The following RABGAP1 variants were observed in gnomAD, a reference collection of about 807,000 sequenced individuals.
RABGAP1 encodes the protein RAB GTPase activating protein 1.
In RABGAP1, 23 loss-of-function variants were observed where a neutral mutation model predicts 137.6. That is an observed-to-expected ratio of 0.17 (90% CI 0.12 to 0.24). The LOEUF (loss-of-function observed/expected upper bound fraction) is 0.24. Ranked by LOEUF, RABGAP1 falls within the 10% of genes least tolerant of loss-of-function variation. RABGAP1 has a pLI of 1.00. For missense variants in RABGAP1, 906 were observed against 1,275.8 expected (o/e 0.71, Z 4.42); for synonymous variants, 451 against 450.7 (o/e 1.00, Z -0.01).
At chr9:123,100,383 A>ATGTGTGTGTGTGTG (rs56811028) in intron 24 of RABGAP1, among the ~76,000 whole-genome samples, 4 of 136,572 alleles carry the variant, frequency 2.9e-5, no homozygotes, top group East Asian at 2.3e-4. Flanking sequence ...GTTTAACCAG[A>ATGTGTGTGTGTGTG]TGTGTGTGTG....
upstream of RABGAP1, among the ~76,000 whole-genome samples, chr9:122,936,388 A>AC (rs1401291248): frequency 6.6e-6 from 1 of 152,186 alleles, no homozygotes; most frequent in Non-Finnish European, 1.5e-5. Context: ...CCTAGACAAC[A>AC]GTTCTACCAG....
chr9:122,946,696 A>G (rs1471280786), intron 1 of RABGAP1, among the ~76,000 whole-genome samples: 1 of 152,210 alleles, frequency 6.6e-6, no homozygotes, highest in African/African-American at 2.4e-5. Context: ...TTGTGTTGAA[A>G]TGGCATTAAG....
intron 1 of RABGAP1, among the ~76,000 whole-genome samples, chr9:122,954,429 G>A (rs1003336632): frequency 6.6e-6 from 1 of 152,186 alleles, no homozygotes; most frequent in East Asian, 1.9e-4. Flanking sequence ...AAATAATAAA[G>A]TATTTTATAA....
At chr9:123,000,572 C>G (rs1326119050) in intron 10 of RABGAP1, among the ~76,000 whole-genome samples, 1 of 152,194 alleles carries the variant, frequency 6.6e-6, no homozygotes, top group African/African-American at 2.4e-5. Flanking sequence ...ACATCTCAAA[C>G]TTAACATGTC....
chr9:123,076,588 CT>C, intron 18 of RABGAP1, 45 bp from the exon 19 acceptor site: 1 of 1,557,444 alleles, frequency 6.4e-7, no homozygotes, highest in Non-Finnish European at 8.7e-7. Flanking sequence ...CTTGTGCATC[CT>C]TATAGCAACA....
At chr9:123,030,581 G>A (rs906803180) in intron 13 of RABGAP1, among the ~76,000 whole-genome samples, 2 of 151,938 alleles carry the variant, frequency 1.3e-5, no homozygotes, top group African/African-American at 4.8e-5. Context: ...ACATACTTAT[G>A]AGGTATATAA....
chr9:122,951,385 C>T (rs1432499974), intron 1 of RABGAP1, among the ~76,000 whole-genome samples: 1 of 149,062 alleles, frequency 6.7e-6, no homozygotes, highest in East Asian at 2.0e-4. Context: ...TAACTAGAAA[C>T]AATACAAATA....
intron 2 of RABGAP1, among the ~76,000 whole-genome samples, chr9:122,972,505 G>A (rs1341964975): frequency 6.6e-6 from 1 of 152,126 alleles, no homozygotes; most frequent in African/African-American, 2.4e-5. Context: ...GACAGGAGTA[G>A]CAGCTGTAAG....
In RABGAP1 at chr9:122,986,390, A is replaced by G. The variant is rs376096787; in HGVS notation, c.561A>G (p.Ser187=). 62 of 1,614,036 alleles carry G rather than the reference A, an allele frequency of 3.8e-5. No individual in the cohort carries two copies. The highest frequency in any genetic ancestry group is 5.2e-5 in the Non-Finnish European group (61 of 1,180,018). Residue 187 remains serine (S), a synonymous_variant, in exon 4 of 26, where the codon TCA becomes TCG. Transcript: ENST00000373647. ...AGATTTCACTAGATGTTACCCTTTC[A>G]GTGCCGAATGTGTCTGAAGGAATTG... ...QCQISLDVTL[S]VPNVSEGIVR...
chr9:123,032,141 T>C (rs1053672403), intron 13 of RABGAP1, among the ~76,000 whole-genome samples: 10 of 152,324 alleles, frequency 6.6e-5, no homozygotes, highest in Admixed American at 2.6e-4. Flanking sequence ...AGGAAAACAC[T>C]GGCTCTTAAG....
At chr9:123,074,481 A>G in intron 17 of RABGAP1, 53 bp downstream of exon 17, 2 of 1,506,202 alleles carry the variant, frequency 1.3e-6, no homozygotes, top group East Asian at 4.6e-5. Context: ...GTACTTGAGG[A>G]GAACAGATTC....
intron 1 of RABGAP1, among the ~76,000 whole-genome samples, chr9:122,949,891 C>T (rs530008312): frequency 3.3e-5 from 5 of 151,952 alleles, no homozygotes; most frequent in South Asian, 2.1e-4. Context: ...AGGCTGATTG[C>T]GGAAACAAAA....
chr9:123,091,599 G>T (rs2035034329), intron 21 of RABGAP1, among the ~76,000 whole-genome samples: 1 of 152,076 alleles, frequency 6.6e-6, no homozygotes, highest in Non-Finnish European at 1.5e-5. Context: ...GGTATAGAGA[G>T]AATTACATAA....
At chr9:123,007,698 G>A (rs543538543) in intron 10 of RABGAP1, among the ~76,000 whole-genome samples, 1 of 150,972 alleles carries the variant, frequency 6.6e-6, no homozygotes, top group South Asian at 2.1e-4. Flanking sequence ...TTACAGGCAT[G>A]AGCCATCATG....
chr9:123,085,930 G>A (rs992858788), intron 19 of RABGAP1, among the ~76,000 whole-genome samples: 5 of 152,068 alleles, frequency 3.3e-5, no homozygotes, highest in African/African-American at 1.2e-4. Flanking sequence ...CTTTGGCTTT[G>A]ATTTGTTTAA....
chr9:122,982,136 T>C lies in RABGAP1; in HGVS notation c.151-2349T>C, dbSNP rs533739240. Among the ~76,000 whole-genome samples the C allele has an allele frequency of 4.9e-4, 74 of 152,294 alleles. 1 individual carries two copies. The Middle Eastern group carries it at 0.014, about 28-fold the overall frequency. On this transcript the variant is annotated intron_variant, in intron 2 of 25. Transcript: ENST00000373647. ...AAGGTTCACAAATGATCTAACATGATAATTGTTGAGTATTGTATTTGATAA... is the reference window on the plus strand; with the variant it reads ...AAGGTTCACAAATGATCTAACATGACAATTGTTGAGTATTGTATTTGATAA...
At chr9:123,029,288 ATATGT>A (rs1438229108) in intron 13 of RABGAP1, 6 of 554,054 alleles carry the variant, frequency 1.1e-5, no homozygotes, top group African/African-American at 9.6e-5. Flanking sequence ...CACTAAAATA[ATATGT>A]TAATTAATCA....
At chr9:123,033,567 C>A (rs566295674) in intron 13 of RABGAP1, 1 of 152,070 alleles carries the variant, frequency 6.6e-6, no homozygotes, top group Non-Finnish European at 1.5e-5. Context: ...TTCCCCTCCC[C>A]CTTTCTTCCT....
At chr9:123,058,050 A>AGCGGAGAG (rs1564167223) in intron 13 of RABGAP1, among the ~76,000 whole-genome samples, 1 of 136,838 alleles carries the variant, frequency 7.3e-6, no homozygotes, top group South Asian at 2.5e-4. Context: ...GTGGAAAGAG[A>AGCGGAGAG]GGGGAGAGGG....
Sources: allele counts gnomAD v4.1 joint callset (sites outside exome capture counted in the v4.1 genomes callset), GRCh38; gene constraint gnomAD v4.1.1; transcripts MANE v1.5; gene names NCBI Gene and HGNC (gene_info 2026-07-23, HGNC 2026-07-21).